The following HEATR4 variants were observed in gnomAD, a reference collection of about 807,000 sequenced individuals.
HEATR4 encodes the protein HEAT repeat containing 4.
HEATR4 carries 95 observed loss-of-function variants against 108.8 expected under a neutral mutation model. The ratio of observed to expected loss-of-function variants is 0.87; its 90% CI spans 0.74 to 1.04. The LOEUF is 1.04. Ranked by LOEUF, HEATR4 falls within the 50% of genes least tolerant of loss-of-function variation. HEATR4 has a pLI of 0.00. For missense variants in HEATR4, 1,152 were observed against 1,253.8 expected (o/e 0.92, Z 1.23); for synonymous variants, 443 against 459.4 (o/e 0.96, Z 0.46).
At chr14:73,507,911 A>AT (rs1249148773) in intron 9 of HEATR4, among the ~76,000 whole-genome samples, 15 of 151,846 alleles carry the variant, frequency 9.9e-5, no homozygotes, top group Middle Eastern at 3.2e-3. Context: ...CACCTGTCTA[A>AT]TTTTTTTATT....
chr14:73,613,072 C>A, the HEATR4 span: 1 of 581,480 alleles, frequency 1.7e-6, no homozygotes, highest in Non-Finnish European at 2.8e-6. Context: ...GCGACCCCCA[C>A]CGGCCCCTTT....
chr14:73,629,677 C>A, the HEATR4 span, among the ~76,000 whole-genome samples: 2 of 150,858 alleles, frequency 1.3e-5, no homozygotes, highest in Admixed American at 1.3e-4. Flanking sequence ...TGGAGTCTCA[C>A]TCTGTTGCCC....
chr14:73,558,332 C>T (rs1312888511), intron 1 of HEATR4, among the ~76,000 whole-genome samples: 1 of 139,938 alleles, frequency 7.1e-6, no homozygotes, highest in Non-Finnish European at 1.5e-5. Context: ...ACTCTGGAAA[C>T]TCTGCTATAA....
chr14:73,492,635 G>T lies in HEATR4; in HGVS notation c.2844+431C>A. 6.2e-7 allele frequency: 1 copy of T among 1,614,000 alleles called. No homozygotes were observed. The highest frequency in any genetic ancestry group is 1.7e-5 in the Admixed American group (1 of 60,020). ...GGCTGGAGAACCTGTAAACGTGGGG[G>T]CCCAGTTGACAACAGAAACAGAAGT... On this transcript the variant is annotated intron_variant, in intron 17 of 17. Transcript: ENST00000553558. The surrounding 1 kb of genome is among the most constrained non-coding windows in gnomAD (Gnocchi z 4.9).
intron 17 of HEATR4, chr14:73,490,958 A>T (rs1885668840): frequency 7.7e-7 from 1 of 1,291,780 alleles, no homozygotes; most frequent in South Asian, 2.5e-5. Flanking sequence ...CGCTGCATTC[A>T]GGAACCGCTT....
intron 6 of HEATR4, among the ~76,000 whole-genome samples, chr14:73,513,467 AG>A (rs111863969): frequency 0.24 from 35,558 of 145,576 alleles, 5,176 homozygotes; most frequent in African/African-American, 0.38. Context: ...TCTCAGAAAA[AG>A]AAAAAAGGGC....
chr14:73,505,708 A>G (rs1385439342), intron 10 of HEATR4, among the ~76,000 whole-genome samples: 1 of 150,904 alleles, frequency 6.6e-6, no homozygotes, highest in Non-Finnish European at 1.5e-5. Flanking sequence ...TATGTTTTAT[A>G]TGTGTGTGCC....
intron 15 of HEATR4, among the ~76,000 whole-genome samples, chr14:73,496,019 A>G (rs1886088737): frequency 6.6e-6 from 1 of 152,006 alleles, no homozygotes; most frequent in Non-Finnish European, 1.5e-5. Context: ...AATCCCAGCT[A>G]TTTTGGTGGC....
intron 1 of HEATR4, chr14:73,543,091 G>T: frequency 6.3e-7 from 1 of 1,578,840 alleles, no homozygotes; most frequent in Non-Finnish European, 8.6e-7. Context: ...TTTCCAAAGG[G>T]GGTGAGCTCT....
chr14:73,592,142 C>G, the HEATR4 span: 2 of 1,590,866 alleles, frequency 1.3e-6, no homozygotes, highest in African/African-American at 1.4e-5. Flanking sequence ...GCGAGCTGGA[C>G]CTGGAGCGCG....
At chr14:73,580,188 G>A in the HEATR4 span, among the ~76,000 whole-genome samples, 4,620 of 152,152 alleles carry the variant, frequency 0.03, 241 homozygotes, top group African/African-American at 0.11. Flanking sequence ...GTGCAGTGGC[G>A]CTATCATAGC....
intron 7 of HEATR4, among the ~76,000 whole-genome samples, chr14:73,509,918 G>A (rs1318185706): frequency 7.2e-6 from 1 of 138,580 alleles, no homozygotes; most frequent in African/African-American, 2.7e-5. Context: ...CTGTCACCTG[G>A]GCTGGAGTGC....
the HEATR4 span, among the ~76,000 whole-genome samples, chr14:73,609,970 CTT>C: frequency 6.8e-6 from 1 of 146,354 alleles, no homozygotes; most frequent in East Asian, 2.0e-4. Context: ...TTCCTCTACC[CTT>C]TTTTTTTTTA....
the HEATR4 span, among the ~76,000 whole-genome samples, chr14:73,601,436 C>T: frequency 5.3e-5 from 8 of 152,098 alleles, no homozygotes; most frequent in East Asian, 1.2e-3. Context: ...TGGTGGCGCA[C>T]GCCTGTAATC....
chr14:73,518,745 C>T (rs776036543), intron 5 of HEATR4, among the ~76,000 whole-genome samples: 1 of 152,152 alleles, frequency 6.6e-6, no homozygotes, highest in Non-Finnish European at 1.5e-5. Flanking sequence ...GAGATAGGAG[C>T]TGCCTTATTG....
rs1888893812 is a variant in HEATR4, at chr14:73,537,323, T to C, written c.-151-7079A>G. The C allele has an allele frequency of 4.6e-6, 5 of 1,077,758 alleles. No homozygotes were observed. In the South Asian group the frequency reaches 4.7e-5, roughly 10 times the overall value. 66.8% of individuals were successfully genotyped at this position (1,077,758 alleles called of 1,614,324 possible). A position where few individuals can be genotyped will look rare whatever the true frequency, so the allele number is the denominator to read the frequency against. On this transcript the variant is annotated intron_variant, in intron 1 of 17. Transcript: ENST00000553558. ...GCAGACAGCTCTGCCCTAGTGGGCG[T>C]TTAGCCTGCGACGGCAGCCCGAGAG...
At chr14:73,518,509 G>T (rs1887771229) in intron 5 of HEATR4, among the ~76,000 whole-genome samples, 1 of 152,124 alleles carries the variant, frequency 6.6e-6, no homozygotes, top group South Asian at 2.1e-4. Flanking sequence ...ATGGGAAATA[G>T]AGTCTTGTGG....
At chr14:73,511,977 T>G (rs747932453) in intron 7 of HEATR4, 29 bp downstream of exon 7, 3 of 1,613,404 alleles carry the variant, frequency 1.9e-6, no homozygotes, top group Admixed American at 3.3e-5. Context: ...GTTGCTTATG[T>G]TCTCAAGCAG....
intron 10 of HEATR4, among the ~76,000 whole-genome samples, chr14:73,503,825 C>T (rs1198772778): frequency 2.0e-5 from 3 of 152,142 alleles, no homozygotes; most frequent in Non-Finnish European, 4.4e-5. Flanking sequence ...TGGTCAGAAA[C>T]TGCATGCTTA....
Sources: allele counts gnomAD v4.1 joint callset (sites outside exome capture counted in the v4.1 genomes callset), GRCh38; gene constraint gnomAD v4.1.1; non-coding constraint Gnocchi (gnomAD v3.1); transcripts MANE v1.5; gene names NCBI Gene and HGNC (gene_info 2026-07-23, HGNC 2026-07-21).